The following FHIT variants were observed in gnomAD, a reference collection of about 807,000 sequenced individuals.
FHIT encodes the protein fragile histidine triad diadenosine triphosphatase, also known as bis(5'-adenosyl)-triphosphatase.
A neutral mutation model predicts 17.9 loss-of-function variants in FHIT; 19 were observed. That is an observed-to-expected ratio of 1.06 (90% CI 0.74 to 1.56). The LOEUF (loss-of-function observed/expected upper bound fraction) is 1.56, where lower values mean the gene tolerates loss of function less well. Among genes scored for constraint, FHIT ranks in the 40% most tolerant of loss-of-function variants. The pLI is 0.00. For missense variants in FHIT, 248 were observed against 189.2 expected (o/e 1.31, Z -1.82); for synonymous variants, 81 against 69.7 (o/e 1.16, Z -0.81).
At chr3:60,537,587 C>T (rs1385176571) in intron 4 of FHIT, 1 of 314,930 alleles carries the variant, frequency 3.2e-6, no homozygotes, top group Non-Finnish European at 4.6e-6. Flanking sequence ...AGAACAATTC[C>T]TGGTTGTAAC....
At chr3:61,250,627 T>G (rs1336753551) in intron 1 of FHIT, among the ~76,000 whole-genome samples, 1 of 152,008 alleles carries the variant, frequency 6.6e-6, no homozygotes, top group East Asian at 1.9e-4. Flanking sequence ...GCATCTCAAG[T>G]TCCACTAACC....
rs368566407 is a variant in FHIT at position 59,950,574 on chromosome 3, T to C, written c.280-28160A>G. On this transcript the variant is annotated intron_variant, in intron 7 of 9. Transcript: ENST00000492590. ...GTTTGTTTACTTGTTTTCTTTTCTT[T>C]TCTTTTCTGCTTTTCCTACTATTCT... is the stretch of plus-strand genomic sequence containing the variant. Among the ~76,000 whole-genome samples the C allele has an allele frequency of 4.6e-5, 7 of 152,282 alleles. No homozygotes were observed. The East Asian group carries it at 1.4e-3, about 29-fold the overall frequency.
At chr3:60,350,990 G>C (rs997474896) in intron 5 of FHIT, among the ~76,000 whole-genome samples, 3 of 152,152 alleles carry the variant, frequency 2.0e-5, no homozygotes, top group African/African-American at 7.2e-5. Context: ...AACAACCTGA[G>C]GGAGCTTGGA....
At chr3:60,273,549 C>T (rs1706972751) in intron 5 of FHIT, among the ~76,000 whole-genome samples, 1 of 152,032 alleles carries the variant, frequency 6.6e-6, no homozygotes. Flanking sequence ...GCAGAGGCTG[C>T]AGTGAGCTGA....
chr3:60,099,156 A>C (rs918352158), intron 5 of FHIT, among the ~76,000 whole-genome samples: 1 of 152,080 alleles, frequency 6.6e-6, no homozygotes, highest in Non-Finnish European at 1.5e-5. Flanking sequence ...AACATACCCC[A>C]TACTTGTCTC....
At chr3:61,067,176 A>G (rs2034641137) in intron 2 of FHIT, among the ~76,000 whole-genome samples, 1 of 152,208 alleles carries the variant, frequency 6.6e-6, no homozygotes, top group Admixed American at 6.5e-5. Flanking sequence ...CACCTGCTAC[A>G]AGAAAATGTC....
intron 4 of FHIT, among the ~76,000 whole-genome samples, chr3:60,609,377 G>A (rs1293392611): frequency 2.0e-5 from 3 of 151,954 alleles, no homozygotes; most frequent in Non-Finnish European, 2.9e-5. Flanking sequence ...CCAGGCTGGA[G>A]TGCAGTGGCG....
At chr3:60,511,297 G>A (rs1298612997) in intron 5 of FHIT, among the ~76,000 whole-genome samples, 3 of 152,096 alleles carry the variant, frequency 2.0e-5, no homozygotes, top group Admixed American at 2.0e-4. Flanking sequence ...CCACCATTAT[G>A]CCAATTCCAT....
intron 5 of FHIT, among the ~76,000 whole-genome samples, chr3:60,486,443 T>C (rs1207968550): frequency 6.6e-6 from 1 of 152,090 alleles, no homozygotes; most frequent in Non-Finnish European, 1.5e-5. Flanking sequence ...CCTTGAACAA[T>C]TCCCCAAAGC....
chr3:61,048,582 G>T (rs1575913150), intron 2 of FHIT, among the ~76,000 whole-genome samples: 2 of 152,240 alleles, frequency 1.3e-5, no homozygotes, highest in South Asian at 4.1e-4. Flanking sequence ...ATTCCTCAAG[G>T]ATCTAGAACT....
chr3:60,917,540 C>T (rs1336502734), intron 3 of FHIT, among the ~76,000 whole-genome samples: 1 of 152,278 alleles, frequency 6.6e-6, no homozygotes, highest in South Asian at 2.1e-4. Flanking sequence ...CCATCTACCA[C>T]TTCTTTCTCC....
At chr3:60,120,704 A>G (rs1359375803) in intron 5 of FHIT, among the ~76,000 whole-genome samples, 1 of 152,184 alleles carries the variant, frequency 6.6e-6, no homozygotes, top group Admixed American at 6.5e-5. Context: ...GCAATAGGCA[A>G]GTTTTGGAAA....
chr3:60,915,189 G>C (rs1553766835), intron 3 of FHIT, among the ~76,000 whole-genome samples: 1 of 151,986 alleles, frequency 6.6e-6, no homozygotes, highest in Non-Finnish European at 1.5e-5. Context: ...ACTCACACCA[G>C]AAACCTAATA....
intron 3 of FHIT, among the ~76,000 whole-genome samples, chr3:61,012,835 G>A (rs139940273): frequency 8.0e-4 from 122 of 151,888 alleles, no homozygotes; most frequent in Non-Finnish European, 1.5e-3. Context: ...AAAATTTAAT[G>A]TTCTGAGACT....
In FHIT at chr3:60,007,783, G is replaced by C. The variant is rs147914139; in HGVS notation, c.279+3588C>G. Among the ~76,000 whole-genome samples, 18 of 152,292 alleles carry C rather than the reference G, an allele frequency of 1.2e-4. 1 individual carries two copies. In the East Asian group the frequency reaches 3.5e-3, roughly 29 times the overall value. On this transcript the variant is annotated intron_variant, in intron 7 of 9. Coordinates refer to ENST00000492590, the MANE Select transcript of FHIT (RefSeq NM_002012.4). Reference sequence around the variant, plus strand: ...AATAAATTGGGGAAAACTTAGCAAGGCCTGTGTGTTCAGATTCTTCTTGGC... The same window carrying C: ...AATAAATTGGGGAAAACTTAGCAAGCCCTGTGTGTTCAGATTCTTCTTGGC...
chr3:60,119,549 A>G (rs1705151192), intron 5 of FHIT, among the ~76,000 whole-genome samples: 1 of 152,268 alleles, frequency 6.6e-6, no homozygotes, highest in Middle Eastern at 3.4e-3. Flanking sequence ...GGGGTATTGC[A>G]TATTTATTGT....
chr3:61,230,147 G>A (rs1254582530), intron 1 of FHIT, among the ~76,000 whole-genome samples: 4 of 152,158 alleles, frequency 2.6e-5, no homozygotes, highest in African/African-American at 9.7e-5. Context: ...GAAAGACTTG[G>A]ATCAATGAGA....
intron 5 of FHIT, among the ~76,000 whole-genome samples, chr3:60,145,134 T>G (rs1026329794): frequency 4.1e-5 from 6 of 147,498 alleles, no homozygotes; most frequent in African/African-American, 1.6e-4. Context: ...ATGTTCTCAC[T>G]GTTAGATTGT....
At chr3:61,078,652 T>C (rs1349174295) in intron 2 of FHIT, among the ~76,000 whole-genome samples, 1 of 152,158 alleles carries the variant, frequency 6.6e-6, no homozygotes, top group Admixed American at 6.5e-5. Flanking sequence ...TCTTGCTTTC[T>C]CCAATAATAT....
Sources: gnomAD v4.1 joint callset for allele counts (sites outside exome capture counted in the v4.1 genomes callset) on GRCh38, gnomAD v4.1.1 for gene constraint, MANE v1.5 for transcripts, NCBI Gene and HGNC (gene_info 2026-07-23, HGNC 2026-07-21) for gene names.